CNKSR2: variants seen among roughly 807,000 people sequenced by gnomAD.
CNKSR2 encodes connector enhancer of kinase suppressor of Ras 2, also known as CNK homolog protein 2.
CNKSR2 carries 14 observed loss-of-function variants against 84.4 expected under a neutral mutation model. That is an observed-to-expected ratio of 0.17 (90% confidence interval 0.11 to 0.26). The LOEUF (loss-of-function observed/expected upper bound fraction) is 0.26, where lower values mean the gene tolerates loss of function less well. Ranked by LOEUF, CNKSR2 falls within the 10% of genes least tolerant of loss-of-function variation. CNKSR2 has a pLI of 1.00. For synonymous variants in CNKSR2, 275 were observed against 277.9 expected (o/e 0.99, Z 0.10); for missense variants, 485 against 771.2 (o/e 0.63, Z 4.40).
At chrX:21,490,790 G>A (rs761961285) in intron 6 of CNKSR2, 2 of 265,099 alleles carry the variant, frequency 7.5e-6, no homozygotes, top group African/African-American at 5.6e-5. Context: ...ATTGAAAATG[G>A]TGACTTCTGA....
intron 10 of CNKSR2, among the ~76,000 whole-genome samples, chrX:21,530,375 T>C (rs991032175): frequency 5.4e-5 from 6 of 111,302 alleles, no homozygotes; most frequent in African/African-American, 2.0e-4. Context: ...AATATAGTTT[T>C]CTACATTTGG....
At chrX:21,446,350 G>A (rs2090854779) in intron 4 of CNKSR2, among the ~76,000 whole-genome samples, 1 of 110,909 alleles carries the variant, frequency 9.0e-6, no homozygotes, top group African/African-American at 3.3e-5. Flanking sequence ...TCTTCTCAAA[G>A]GTGTGTGTAT....
intron 20 of CNKSR2, among the ~76,000 whole-genome samples, chrX:21,612,024 A>G (rs1314504568): frequency 8.9e-6 from 1 of 112,196 alleles, no homozygotes; most frequent in Non-Finnish European, 1.9e-5. Context: ...TTATTATTCA[A>G]TGAAATGTAT....
At chrX:21,559,556 G>A (rs1011097695) in intron 11 of CNKSR2, among the ~76,000 whole-genome samples, 2 of 111,503 alleles carry the variant, frequency 1.8e-5, no homozygotes, top group Non-Finnish European at 1.9e-5. Context: ...CTGAGGACAG[G>A]TGTAATCAAA....
chrX:21,606,783 C>T lies in CNKSR2; in HGVS notation c.2049C>T (p.Tyr683=). ...TCCATGTCTGTGAATTTTCAGATTA[C>T]TGGAGTGAGAGTGACAAGGAAGAAG... The part of the protein sequence containing the change: ...ERERIKQEQD[Y]WSESDKEEAD... Residue 683 remains tyrosine, a synonymous_variant, in exon 19 of 22, where the codon TAC becomes TAT. Transcript: ENST00000379510. The T allele has an allele frequency of 8.6e-7, 1 of 1,166,730 alleles. No individual in the cohort carries two copies. Among genetic ancestry groups the T allele is most frequent in the Non-Finnish European group, 1.2e-6 (1 of 857,079 alleles).
Position 21,494,783 on chromosome X carries a change from G to A in CNKSR2, c.682-3004G>A, listed in dbSNP as rs1165930904. 3 of 111,770 alleles carry A rather than the reference G, an allele frequency of 2.7e-5. No homozygotes were observed. In the East Asian group the frequency reaches 8.5e-4, roughly 32 times the overall value. 9.2% of individuals were successfully genotyped at this position (111,770 alleles called of 1,213,427 possible). On this transcript the variant is annotated intron_variant, in intron 6 of 21. Coordinates refer to ENST00000379510, the MANE Select transcript of CNKSR2 (RefSeq NM_014927.5). Reference sequence around the variant, plus strand: ...ATAATGAGCAAAGGCTTAGTTTGAGGACAGGTAAAATCAAAATGCACGTGC... The same window carrying A: ...ATAATGAGCAAAGGCTTAGTTTGAGAACAGGTAAAATCAAAATGCACGTGC...
At chrX:21,569,154 A>T (rs1424820529) in intron 13 of CNKSR2, among the ~76,000 whole-genome samples, 1 of 111,735 alleles carries the variant, frequency 8.9e-6, no homozygotes, top group Non-Finnish European at 1.9e-5. Context: ...CAATGTACAT[A>T]ACTTAATTAG....
At chrX:21,645,542 G>T (rs1027598521) in intron 20 of CNKSR2, 5 of 111,631 alleles carry the variant, frequency 4.5e-5, no homozygotes, top group Non-Finnish European at 7.5e-5. Context: ...TTTGAATGTG[G>T]TCTCTACACT....
At chrX:21,619,470 C>A (rs758299750) in intron 20 of CNKSR2, among the ~76,000 whole-genome samples, 30 of 111,427 alleles carry the variant, frequency 2.7e-4, no homozygotes, top group Non-Finnish European at 5.3e-4. Flanking sequence ...AATCCCTAAT[C>A]TTCCATGATT....
In CNKSR2 at chrX:21,426,513, G is replaced by A. The variant is rs2090566497; in HGVS notation, c.81G>A (p.Leu27=). The A allele has an allele frequency of 2.5e-6, 3 of 1,207,843 alleles. No homozygotes were observed. The highest frequency in any genetic ancestry group is 1.1e-6 in the Non-Finnish European group (1 of 893,122). Residue 27 remains leucine (L), a synonymous_variant, in exon 2 of 22, where the codon TTG becomes TTA. Transcript: ENST00000379510. ...VDWMKGLDDC[L]QQYIKNFERE... ...ATTTTGTAGGTCTTGATGACTGTTT[G>A]CAGCAGTATATTAAGAACTTTGAGA...
At chrX:21,415,833 TACACACAC>T (rs559013925) in intron 1 of CNKSR2, among the ~76,000 whole-genome samples, 4,117 of 88,114 alleles carry the variant, frequency 0.047, 120 homozygotes, top group East Asian at 0.26. Context: ...TATACATATA[TACACACAC>T]ACACACACAC....
intron 20 of CNKSR2, 37 bp from the exon 21 acceptor site, chrX:21,648,791 TTTC>T (rs1183307168): frequency 3.7e-5 from 31 of 840,504 alleles, no homozygotes; most frequent in East Asian, 2.2e-4. Flanking sequence ...TCTCTCTCTC[TTTC>T]TTTTTTTTTT....
chrX:21,478,977 G>A (rs2091287555), intron 5 of CNKSR2, among the ~76,000 whole-genome samples: 1 of 111,634 alleles, frequency 9.0e-6, no homozygotes, highest in Non-Finnish European at 1.9e-5. Flanking sequence ...GCATAGTGGT[G>A]AAGTCTGGGC....
intron 9 of CNKSR2, among the ~76,000 whole-genome samples, chrX:21,524,860 T>G (rs1324000832): frequency 9.0e-6 from 1 of 111,387 alleles, no homozygotes; most frequent in African/African-American, 3.2e-5. Flanking sequence ...TTAAGTTCAT[T>G]TACAGTGTTA....
chrX:21,565,406 T>C (rs1045797301), intron 13 of CNKSR2, among the ~76,000 whole-genome samples: 2 of 111,839 alleles, frequency 1.8e-5, no homozygotes, highest in African/African-American at 6.5e-5. Context: ...TTACCACCTT[T>C]CTGAAGGACA....
intron 10 of CNKSR2, among the ~76,000 whole-genome samples, chrX:21,530,792 TAAAC>T (rs1338604999): frequency 9.0e-6 from 1 of 110,915 alleles, no homozygotes; most frequent in Non-Finnish European, 1.9e-5. Flanking sequence ...TGTCATAAAA[TAAAC>T]AAGATTCAAT....
intron 13 of CNKSR2, among the ~76,000 whole-genome samples, chrX:21,564,422 A>G (rs1410469603): frequency 1.8e-5 from 2 of 111,638 alleles, no homozygotes; most frequent in African/African-American, 6.5e-5. Context: ...GTGGAAGCTG[A>G]GAATCATGTT....
intron 18 of CNKSR2, among the ~76,000 whole-genome samples, chrX:21,604,067 A>G (rs2092500911): frequency 8.9e-6 from 1 of 111,931 alleles, no homozygotes; most frequent in Admixed American, 9.5e-5. Flanking sequence ...TTCATCCTCT[A>G]AGCAACAGTG....
chrX:21,640,444 T>C (rs926555521), intron 20 of CNKSR2, among the ~76,000 whole-genome samples: 2 of 111,412 alleles, frequency 1.8e-5, no homozygotes, highest in African/African-American at 6.5e-5. Context: ...TTGACCTGTA[T>C]ATGAAGATTA....
Sources: allele counts gnomAD v4.1 joint callset (sites outside exome capture counted in the v4.1 genomes callset), GRCh38; gene constraint gnomAD v4.1.1; transcripts MANE v1.5; gene names NCBI Gene and HGNC (gene_info 2026-07-23, HGNC 2026-07-21).